Variants in ZNF704 observed in about 807,000 individuals in gnomAD.
ZNF704 encodes zinc finger protein 704, also known as glucocorticoid induced gene 1.
ZNF704 carries 10 observed loss-of-function variants against 44.7 expected under a neutral mutation model. The ratio of observed to expected loss-of-function variants is 0.22; its 90% CI spans 0.14 to 0.38. The LOEUF (loss-of-function observed/expected upper bound fraction) is 0.38. Ranked by LOEUF, ZNF704 falls within the 10% of genes least tolerant of loss-of-function variation. The probability of loss-of-function intolerance (pLI) is 1.00; values close to 1 mark genes in which losing one functional copy is unlikely to be tolerated. For synonymous variants in ZNF704, 211 were observed against 207.6 expected (o/e 1.02, Z -0.14); for missense variants, 390 against 545.5 (o/e 0.71, Z 2.84).
intron 2 of ZNF704, among the ~76,000 whole-genome samples, chr8:80,694,463 A>G (rs765801871): frequency 2.0e-5 from 3 of 152,238 alleles, no homozygotes; most frequent in Non-Finnish European, 4.4e-5. Context: ...ACATTTTCAA[A>G]TTAGAGAACA....
At chr8:80,784,306 T>C (rs1234955813) in intron 2 of ZNF704, among the ~76,000 whole-genome samples, 3 of 152,166 alleles carry the variant, frequency 2.0e-5, no homozygotes, top group Non-Finnish European at 2.9e-5. Context: ...CTGAGTTGAG[T>C]GATAAGAATA....
chr8:80,667,859 A>G (rs1818219753), intron 5 of ZNF704, among the ~76,000 whole-genome samples: 2 of 152,218 alleles, frequency 1.3e-5, no homozygotes, highest in South Asian at 2.1e-4. Context: ...TTCTCCACTT[A>G]TAAAATGGGG....
At position 80,687,208 on chromosome 8, in the gene ZNF704, G is replaced by T; in HGVS notation, c.558+18C>A. The stretch of plus-strand genomic sequence containing the variant: ...TTCAGGAAACTGAATGCAGAAGACC[G>T]CGTGGCTGACCACCAACCTTTCTTT... On this transcript the variant is annotated intron_variant, in intron 4 of 8. Transcript: ENST00000327835. The T allele has an allele frequency of 6.2e-7, 1 of 1,602,320 alleles. No individual in the cohort carries two copies. The highest frequency in any genetic ancestry group is 8.5e-7 in the Non-Finnish European group (1 of 1,172,298).
intron 2 of ZNF704, among the ~76,000 whole-genome samples, chr8:80,780,897 C>G (rs540189038): frequency 1.9e-4 from 29 of 152,292 alleles, no homozygotes; most frequent in African/African-American, 7.0e-4. Context: ...TCTGTTACAG[C>G]AGCCCTAAGA....
At chr8:80,806,594 A>T (rs1807994258) in intron 2 of ZNF704, among the ~76,000 whole-genome samples, 2 of 152,208 alleles carry the variant, frequency 1.3e-5, no homozygotes, top group African/African-American at 4.8e-5. Flanking sequence ...GGCTCAGAAT[A>T]ACTCAGTTTT....
intron 2 of ZNF704, among the ~76,000 whole-genome samples, chr8:80,762,970 A>G (rs1807156774): frequency 6.6e-6 from 1 of 152,220 alleles, no homozygotes. Flanking sequence ...AAGCTCCTAA[A>G]TAACCTCTTT....
intron 2 of ZNF704, among the ~76,000 whole-genome samples, chr8:80,699,884 A>G (rs1021582280): frequency 1.3e-4 from 20 of 152,078 alleles, no homozygotes; most frequent in African/African-American, 4.8e-4. Context: ...TGACCCTTGC[A>G]TGACCTCACC....
intron 2 of ZNF704, among the ~76,000 whole-genome samples, chr8:80,788,349 G>A (rs1807648526): frequency 6.6e-6 from 1 of 152,116 alleles, no homozygotes. Context: ...AACTAGAATG[G>A]CAGACACTAC....
chr8:80,723,920 ATTAG>A (rs985787333), intron 2 of ZNF704, among the ~76,000 whole-genome samples: 3 of 152,196 alleles, frequency 2.0e-5, no homozygotes, highest in Admixed American at 6.5e-5. Context: ...CTTTAGCACT[ATTAG>A]TTAGTTGTTA....
chr8:80,882,256 G>A, the ZNF704 span, among the ~76,000 whole-genome samples: 14 of 152,180 alleles, frequency 9.2e-5, no homozygotes, highest in African/African-American at 1.4e-4. Flanking sequence ...AGTGGCTGGC[G>A]TCCTGCATGC....
At chr8:80,664,059 T>A (rs1195552836) in intron 6 of ZNF704, among the ~76,000 whole-genome samples, 1 of 151,760 alleles carries the variant, frequency 6.6e-6, no homozygotes, top group Non-Finnish European at 1.5e-5. Flanking sequence ...GATACTTATG[T>A]AATGTGCCAG....
rs943871824 is a variant in ZNF704, at chr8:80,812,284, T to C, written c.221+9090A>G. ...GCAGCAATATTCTTTGGGTATTTTT[T>C]CTGCAGCTTTGCAGCCTTCTTTTCT... On this transcript the variant is annotated intron_variant, in intron 2 of 8. Coordinates refer to ENST00000327835, the MANE Select transcript of ZNF704 (RefSeq NM_001033723.3). 11 of 165,216 alleles carry C rather than the reference T, an allele frequency of 6.7e-5. 1 individual carries two copies. Among genetic ancestry groups the C allele is most frequent in the South Asian group, 3.5e-4 (2 of 5,674 alleles). The allele number at this position is 165,216 out of a possible 1,614,324, so 10.2% of individuals were successfully genotyped here.
chr8:80,824,086 G>A (rs1808327106), intron 1 of ZNF704, among the ~76,000 whole-genome samples: 1 of 152,222 alleles, frequency 6.6e-6, no homozygotes, highest in Admixed American at 6.5e-5. Flanking sequence ...ACTTTAACGA[G>A]TTGAGAGAAG....
rs1205079274 is a variant in ZNF704, at chr8:80,637,954, TCAGGCAG to T, written c.*3405_*3411del. The T allele has an allele frequency of 6.6e-6, 1 of 152,318 alleles. No individual in the cohort carries two copies. The highest frequency in any genetic ancestry group is 1.5e-5 in the Non-Finnish European group (1 of 68,114). The allele number at this position is 152,318 out of a possible 1,614,324, so 9.4% of individuals were successfully genotyped here. On this transcript the variant is annotated 3_prime_UTR_variant, in exon 9 of 9. Transcript: ENST00000327835. ...CCCTTCAGGTCATTCTCTCCTTGCT[TCAGGCAG>T]CTGCTCCCAGAGGAGAAAATGGCAG...
At chr8:80,676,740 G>C (rs1000519048) in intron 4 of ZNF704, among the ~76,000 whole-genome samples, 2 of 152,224 alleles carry the variant, frequency 1.3e-5, no homozygotes, top group Non-Finnish European at 2.9e-5. Flanking sequence ...CTGTGGCGCA[G>C]GTTGGGAGAG....
intron 2 of ZNF704, among the ~76,000 whole-genome samples, chr8:80,759,700 C>G (rs900606767): frequency 2.0e-5 from 3 of 152,188 alleles, no homozygotes; most frequent in African/African-American, 7.2e-5. Flanking sequence ...CATAAGTGAG[C>G]TTGGGAGAGG....
intron 1 of ZNF704, among the ~76,000 whole-genome samples, chr8:80,872,286 T>C (rs1003790954): frequency 6.6e-6 from 1 of 152,222 alleles, no homozygotes; most frequent in African/African-American, 2.4e-5. Flanking sequence ...CCCAAATAAC[T>C]ACTTGCTGAA....
At chr8:80,836,646 A>G (rs1808588006) in intron 1 of ZNF704, among the ~76,000 whole-genome samples, 1 of 151,912 alleles carries the variant, frequency 6.6e-6, no homozygotes, top group African/African-American at 2.4e-5. Flanking sequence ...GACTACAGGC[A>G]TGGTGGTACG....
chr8:80,677,962 G>C (rs1818395978), intron 4 of ZNF704, among the ~76,000 whole-genome samples: 1 of 152,164 alleles, frequency 6.6e-6, no homozygotes, highest in Admixed American at 6.5e-5. Flanking sequence ...TAACTTCTCA[G>C]GGGACATCCA....
Sources: gnomAD v4.1 joint callset for allele counts (sites outside exome capture counted in the v4.1 genomes callset) on GRCh38, gnomAD v4.1.1 for gene constraint, MANE v1.5 for transcripts, NCBI Gene and HGNC (gene_info 2026-07-23, HGNC 2026-07-21) for gene names.